Variants in RGS7 observed in about 807,000 individuals in gnomAD.
RGS7 encodes regulator of G-protein signaling 7.
A neutral mutation model predicts 81.1 loss-of-function variants in RGS7; 27 were observed. The ratio of observed to expected loss-of-function variants is 0.33; its 90% CI spans 0.25 to 0.46. RGS7 has a LOEUF of 0.46. RGS7 is among the 20% of genes least tolerant of loss of function. RGS7 has a pLI of 1.00. For missense variants in RGS7, 396 were observed against 607.4 expected (o/e 0.65, Z 3.66); for synonymous variants, 208 against 207.7 (o/e 1.00, Z -0.01).
chr1:240,974,581 A>G (rs1683775624), intron 4 of RGS7, among the ~76,000 whole-genome samples: 2 of 152,236 alleles, frequency 1.3e-5, no homozygotes, highest in Admixed American at 6.5e-5. Context: ...TGAGACCAAC[A>G]TACATAAAAT....
At chr1:241,133,053 C>T (rs1387978919) in intron 2 of RGS7, among the ~76,000 whole-genome samples, 4 of 152,236 alleles carry the variant, frequency 2.6e-5, no homozygotes, top group South Asian at 2.1e-4. Flanking sequence ...TGAGCCACTG[C>T]GCCCGGCAAT....
At position 241,164,712 on chromosome 1, in the gene RGS7, G is replaced by T. The variant is rs569581267; in HGVS notation, c.79-65950C>A. Reference sequence around the variant, plus strand: ...ATTTTCCATGTTTAAAAAATACTGCGCAGGCCAACAAAACACATCCCCTAC... The same window carrying T: ...ATTTTCCATGTTTAAAAAATACTGCTCAGGCCAACAAAACACATCCCCTAC... On this transcript the variant is annotated intron_variant, in intron 2 of 18. Transcript: ENST00000440928. The surrounding 1 kb of genome is among the most constrained non-coding windows in gnomAD (Gnocchi z 4.1). Among the ~76,000 whole-genome samples the T allele has an allele frequency of 3.9e-5, 6 of 152,178 alleles. No homozygotes were observed. The South Asian group carries it at 1.0e-3, about 26-fold the overall frequency.
chr1:241,195,238 A>G (rs1201338545), intron 2 of RGS7, among the ~76,000 whole-genome samples: 1 of 152,166 alleles, frequency 6.6e-6, no homozygotes, highest in Non-Finnish European at 1.5e-5. Flanking sequence ...CACTTTGGAA[A>G]GCTCAGGTGG....
intron 18 of RGS7, among the ~76,000 whole-genome samples, chr1:240,793,143 C>T (rs1040471964): frequency 6.6e-6 from 1 of 152,076 alleles, no homozygotes; most frequent in African/African-American, 2.4e-5. Context: ...ACTCAGCAGC[C>T]CCACAGCATT....
intron 2 of RGS7, among the ~76,000 whole-genome samples, chr1:241,341,264 T>C (rs1455762564): frequency 1.3e-5 from 2 of 152,176 alleles, no homozygotes; most frequent in Non-Finnish European, 2.9e-5. Context: ...AAGATTATCT[T>C]GAACAATGTG....
At chr1:241,039,160 C>T (rs537092031) in intron 3 of RGS7, among the ~76,000 whole-genome samples, 1 of 152,226 alleles carries the variant, frequency 6.6e-6, no homozygotes, top group African/African-American at 2.4e-5. Flanking sequence ...ACATTCAGGA[C>T]ACCTGCCCAG....
chr1:241,090,928 C>T (rs996280689), intron 3 of RGS7, among the ~76,000 whole-genome samples: 6 of 152,212 alleles, frequency 3.9e-5, no homozygotes, highest in South Asian at 2.1e-4. Flanking sequence ...TTCTGACATG[C>T]GTGTGCTTGT....
intron 2 of RGS7, among the ~76,000 whole-genome samples, chr1:241,156,110 T>C (rs575328678): frequency 6.7e-6 from 1 of 149,208 alleles, no homozygotes; most frequent in East Asian, 2.0e-4. Flanking sequence ...ACACCTGAGA[T>C]AGAGGATAGA....
At chr1:241,327,050 A>AGGGAGGGAGGGAGGGAGGGGGGGGG (rs2081577454) in intron 2 of RGS7, among the ~76,000 whole-genome samples, 1 of 1,830 alleles carries the variant, frequency 5.5e-4, no homozygotes, top group Admixed American at 7.8e-3. Context: ...GAGGGAGGGG[A>AGGGAGGGAGGGAGGGAGGGGGGGGG]AAGGAAGGAA....
intron 6 of RGS7, among the ~76,000 whole-genome samples, chr1:240,895,710 C>G (rs1020880015): frequency 6.0e-4 from 91 of 152,046 alleles, no homozygotes; most frequent in Non-Finnish European, 1.0e-3. Context: ...GGCTTGGTTC[C>G]AAGTCTTTGC....
intron 6 of RGS7, among the ~76,000 whole-genome samples, chr1:240,922,066 AG>A (rs1228962622): frequency 6.6e-6 from 1 of 152,066 alleles, no homozygotes; most frequent in African/African-American, 2.4e-5. Flanking sequence ...TCAAGGAAAA[AG>A]AATAGAGATT....
intron 2 of RGS7, among the ~76,000 whole-genome samples, chr1:241,103,981 C>T (rs1204977543): frequency 1.3e-5 from 2 of 152,182 alleles, no homozygotes; most frequent in African/African-American, 4.8e-5. Context: ...TAAAAGCATG[C>T]ATTTAGGCCG....
At chr1:241,153,565 G>T (rs933061890) in intron 2 of RGS7, among the ~76,000 whole-genome samples, 1 of 152,266 alleles carries the variant, frequency 6.6e-6, no homozygotes, top group Non-Finnish European at 1.5e-5. Context: ...CCCAACAGAG[G>T]GGGGCTTGCC....
At position 241,144,788 on chromosome 1, in the gene RGS7, C is replaced by G. The variant is rs2068180840; in HGVS notation, c.79-46026G>C. On this transcript the variant is annotated intron_variant, in intron 2 of 18. Coordinates refer to ENST00000440928, the MANE Select transcript of RGS7 (RefSeq NM_001364886.1). This position sits in a 1 kb window ranked among gnomAD's most constrained non-coding sequence, Gnocchi z 4.7. ...CAGCCGCCTGTTGGGCAAAGGAACC[C>G]TGGAACTCGTTGAGGTTGCAGGAAC... 6.6e-6 allele frequency among the ~76,000 whole-genome samples: 1 copy of G among 152,158 alleles called. No individual in the cohort carries two copies. The highest frequency in any genetic ancestry group is 1.5e-5 in the Non-Finnish European group (1 of 68,040).
At chr1:240,840,656 T>A (rs1259811112) in intron 9 of RGS7, among the ~76,000 whole-genome samples, 3 of 152,220 alleles carry the variant, frequency 2.0e-5, no homozygotes, top group African/African-American at 7.2e-5. Context: ...TCCCTCTCGA[T>A]CACATCACCT....
chr1:241,250,290 G>A (rs1306721933), intron 2 of RGS7, among the ~76,000 whole-genome samples: 3 of 151,974 alleles, frequency 2.0e-5, no homozygotes, highest in African/African-American at 7.3e-5. Flanking sequence ...TTTATCGAGG[G>A]GGAGGAATCA....
chr1:241,089,131 G>A (rs1197568257), intron 3 of RGS7, among the ~76,000 whole-genome samples: 6 of 133,518 alleles, frequency 4.5e-5, no homozygotes, highest in Admixed American at 3.8e-4. Context: ...GGTCTCAACT[G>A]GGCATAGGGG....
intron 9 of RGS7, among the ~76,000 whole-genome samples, chr1:240,855,714 G>T (rs1035877529): frequency 1.3e-5 from 2 of 151,946 alleles, no homozygotes; most frequent in Non-Finnish European, 2.9e-5. Context: ...TAATTTTATT[G>T]TATAGCTCTG....
intron 2 of RGS7, among the ~76,000 whole-genome samples, chr1:241,258,630 C>T (rs1456967031): frequency 6.6e-6 from 1 of 152,088 alleles, no homozygotes; most frequent in Non-Finnish European, 1.5e-5. Context: ...TTAGTAAAGA[C>T]CAAGGTCACA....
Sources: allele counts gnomAD v4.1 joint callset (sites outside exome capture counted in the v4.1 genomes callset), GRCh38; gene constraint gnomAD v4.1.1; non-coding constraint Gnocchi (gnomAD v3.1); transcripts MANE v1.5; gene names NCBI Gene and HGNC (gene_info 2026-07-23, HGNC 2026-07-21).